ASTL: variants seen among roughly 807,000 people sequenced by gnomAD.
ASTL encodes the protein astacin like metalloendopeptidase.
ASTL carries 27 observed loss-of-function variants against 36.7 expected under a neutral mutation model. That is an observed-to-expected ratio of 0.73 (90% CI 0.54 to 1.01). The LOEUF (loss-of-function observed/expected upper bound fraction) is 1.01. Among genes scored for constraint, ASTL ranks in the 50% least tolerant of loss-of-function variants. The pLI is 0.00. For missense variants in ASTL, 524 were observed against 572.8 expected (o/e 0.91, Z 0.87); for synonymous variants, 222 against 228.1 (o/e 0.97, Z 0.24).
intron 4 of ASTL, 45 bp from the exon 5 acceptor site, chr2:96,133,587 T>A: frequency 7.2e-7 from 1 of 1,391,420 alleles, no homozygotes; most frequent in Non-Finnish European, 1.0e-6. Flanking sequence ...CTGGTGGTCT[T>A]TGAGCTCTAC....
At chr2:96,133,386 G>A (rs1682226085) in intron 5 of ASTL, 39 bp downstream of exon 5, 2 of 1,343,038 alleles carry the variant, frequency 1.5e-6, no homozygotes, top group African/African-American at 2.9e-5. Flanking sequence ...GCTGAACGCA[G>A]AAGCGAGCTG....
intron 6 of ASTL, among the ~76,000 whole-genome samples, chr2:96,130,606 C>T (rs563349968): frequency 3.4e-4 from 52 of 152,354 alleles, no homozygotes; most frequent in Non-Finnish European, 6.6e-4. Context: ...ACCTGTTCTT[C>T]CTGTGTCAGG....
Position 96,124,167 on chromosome 2 carries a change from C to A in ASTL, c.979G>T (p.Gly327Cys). Residue 327 changes from glycine to cysteine, a missense_variant, in exon 9 of 9, where the codon GGT becomes TGT. Coordinates refer to ENST00000342380, the MANE Select transcript of ASTL (RefSeq NM_001002036.4). This position sits in a 1 kb window ranked among gnomAD's most constrained non-coding sequence, Gnocchi z 4.1. ...ACGGGCTGGCCTCCCGCACTGGAACCACTGGGGTCGGGGCTCCTGGATTCC... is the reference window on the plus strand; with the variant it reads ...ACGGGCTGGCCTCCCGCACTGGAACAACTGGGGTCGGGGCTCCTGGATTCC... ...SAESRSPDPS[G>C]SSAGGQPVPA... 6.5e-7 allele frequency: 1 copy of A among 1,549,232 alleles called. No individual in the cohort carries two copies. Among genetic ancestry groups the A allele is most frequent in the Non-Finnish European group, 8.7e-7 (1 of 1,148,900 alleles).
At position 96,124,723 on chromosome 2, in the gene ASTL, T is replaced by C. The variant is rs1682031245; in HGVS notation, c.875-452A>G. Among the ~76,000 whole-genome samples, 1 of 152,162 alleles carries C rather than the reference T, an allele frequency of 6.6e-6. No individual in the cohort carries two copies. Among genetic ancestry groups the C allele is most frequent in the South Asian group, 2.1e-4 (1 of 4,822 alleles). On this transcript the variant is annotated intron_variant, in intron 8 of 8. Coordinates refer to ENST00000342380, the MANE Select transcript of ASTL (RefSeq NM_001002036.4). The surrounding 1 kb of genome is among the most constrained non-coding windows in gnomAD (Gnocchi z 4.1). ...CAGGAGGTAGGTTGGGGCTTCCTTG[T>C]TCTTCACTGTCATGCCAGACTACAA... is the stretch of plus-strand genomic sequence containing the variant.
chr2:96,130,464 C>T (rs568017770), intron 6 of ASTL, among the ~76,000 whole-genome samples: 2 of 152,358 alleles, frequency 1.3e-5, no homozygotes, highest in African/African-American at 4.8e-5. Flanking sequence ...ACAGCTGCCA[C>T]GGGTCCCACA....
chr2:96,132,448 G>T lies in ASTL; in HGVS notation c.637+92C>A. 2 of 1,192,728 alleles carry T rather than the reference G, an allele frequency of 1.7e-6. No homozygotes were observed. Among genetic ancestry groups the T allele is most frequent in the Non-Finnish European group, 2.3e-6 (2 of 856,602 alleles). 73.9% of individuals were successfully genotyped at this position (1,192,728 alleles called of 1,614,324 possible). A position where few individuals can be genotyped will look rare whatever the true frequency, so the allele number is the denominator to read the frequency against. ...AAGCAGGCAGGTGATGGGGAGGATG[G>T]ATAGCCTCACCCATGGGGACCAGGC... On this transcript the variant is annotated intron_variant, in intron 6 of 8. Coordinates refer to ENST00000342380, the MANE Select transcript of ASTL (RefSeq NM_001002036.4). The surrounding 1 kb of genome is among the most constrained non-coding windows in gnomAD (Gnocchi z 5.4).
chr2:96,126,244 G>A (rs1405360300), intron 8 of ASTL, among the ~76,000 whole-genome samples: 1 of 152,182 alleles, frequency 6.6e-6, no homozygotes, highest in Non-Finnish European at 1.5e-5. Flanking sequence ...CATAGGAAGT[G>A]ATGAAATATT....
rs75557362 is a variant in ASTL, at chr2:96,125,509, C to G, written c.875-1238G>C. Among the ~76,000 whole-genome samples, 262 of 152,278 alleles carry G rather than the reference C, an allele frequency of 1.7e-3. 4 individuals carry two copies. The East Asian group carries it at 0.041, about 24-fold the overall frequency. The stretch of plus-strand genomic sequence containing the variant: ...TGGGTGTCCTTTCTCCCCGCTATAT[C>G]CACCCCTCTCCTCCAGCAGGTCATG... On this transcript the variant is annotated intron_variant, in intron 8 of 8. Transcript: ENST00000342380.
At position 96,124,681 on chromosome 2, in the gene ASTL, T is replaced by G. The variant is rs1359037404; in HGVS notation, c.875-410A>C. Among the ~76,000 whole-genome samples, 1 of 152,154 alleles carries G rather than the reference T, an allele frequency of 6.6e-6. No individual in the cohort carries two copies. The highest frequency in any genetic ancestry group is 1.5e-5 in the Non-Finnish European group (1 of 68,010). ...TGTTCCTGCACTTAATGGCCACATCTAAACCCTGCACCGTGCCAGGAGGTA... is the reference window on the plus strand; with the variant it reads ...TGTTCCTGCACTTAATGGCCACATCGAAACCCTGCACCGTGCCAGGAGGTA... On this transcript the variant is annotated intron_variant, in intron 8 of 8. Transcript: ENST00000342380. This position sits in a 1 kb window ranked among gnomAD's most constrained non-coding sequence, Gnocchi z 4.1.
At position 96,129,821 on chromosome 2, in the gene ASTL, C is replaced by T; in HGVS notation, c.874+3G>A. ...CAAGTCACCTTCCTGCCATGCCACT[C>T]ACCTCTCCCACGGGGCCTGGGGCCA... On this transcript the variant is annotated splice_donor_region_variant and intron_variant, in intron 8 of 8. Coordinates refer to ENST00000342380, the MANE Select transcript of ASTL (RefSeq NM_001002036.4). 1.3e-6 allele frequency: 2 copies of T among 1,534,588 alleles called. No individual in the cohort carries two copies. The highest frequency in any genetic ancestry group is 1.8e-6 in the Non-Finnish European group (2 of 1,138,846).
At position 96,138,488 on chromosome 2, in the gene ASTL, C is replaced by A; in HGVS notation, c.-52G>T. On this transcript the variant is annotated 5_prime_UTR_variant, in exon 1 of 9. Transcript: ENST00000342380. ...AACAAGACCAAGCCCCAGCAAGACA[C>A]AGTAACCTAATTGCAGAACCGGCAC... The A allele has an allele frequency of 6.6e-7, 1 of 1,522,302 alleles. No homozygotes were observed. The highest frequency in any genetic ancestry group is 9.0e-7 in the Non-Finnish European group (1 of 1,107,226). The allele number at this position is 1,522,302 out of a possible 1,614,324, so 94.3% of individuals were successfully genotyped here.
chr2:96,134,972 C>T (rs1682265644), intron 3 of ASTL, among the ~76,000 whole-genome samples: 1 of 152,242 alleles, frequency 6.6e-6, no homozygotes, highest in African/African-American at 2.4e-5. Flanking sequence ...TAGGTCGCCA[C>T]TGCCACCAGG....
chr2:96,135,312 G>A (rs750696859), intron 3 of ASTL, 39 bp downstream of exon 3: 11 of 1,595,642 alleles, frequency 6.9e-6, no homozygotes, highest in Admixed American at 3.3e-5. Context: ...GCCAACTGTG[G>A]GCTTATCCGC....
chr2:96,130,119 G>T lies in ASTL; in HGVS notation c.664C>A (p.Gln222Lys), dbSNP rs373134495. Residue 222 changes from glutamine (Q) to lysine (K), a missense_variant, in exon 7 of 9, where the codon CAG (glutamine) becomes AAG (lysine). Transcript: ENST00000342380. ...PGFEINFIKS[Q>K]SSNMLTPYDY... ...TAGGGCGTCAGCATGTTGCTGCTCT[G>T]AGACTTGATGAAGTTGATTTCAAAG... 3 of 1,613,700 alleles carry T rather than the reference G, an allele frequency of 1.9e-6. No individual in the cohort carries two copies. The highest frequency in any genetic ancestry group is 2.5e-6 in the Non-Finnish European group (3 of 1,179,582).
Position 96,123,724 on chromosome 2 carries a change from C to T in ASTL, c.*126G>A, listed in dbSNP as rs1682004000. On this transcript the variant is annotated 3_prime_UTR_variant, in exon 9 of 9. Transcript: ENST00000342380. The stretch of plus-strand genomic sequence containing the variant: ...AGAGAGACAGGGGAAGAGTCCTGGC[C>T]CTCTGAGATGGGGTGGTAGGTTGGG... The T allele has an allele frequency of 1.1e-5, 8 of 723,328 alleles. No individual in the cohort carries two copies. The highest frequency in any genetic ancestry group is 3.5e-5 in the African/African-American group (2 of 56,694). 44.8% of individuals were successfully genotyped at this position (723,328 alleles called of 1,614,324 possible). A position where few individuals can be genotyped will look rare whatever the true frequency, so the allele number is the denominator to read the frequency against.
At chr2:96,128,852 C>T (rs887286528) in intron 8 of ASTL, among the ~76,000 whole-genome samples, 2 of 152,158 alleles carry the variant, frequency 1.3e-5, no homozygotes, top group African/African-American at 4.8e-5. Context: ...CCAGCCTGGC[C>T]AACATGGTGA....
At chr2:96,133,901 G>A (rs933093994) in intron 4 of ASTL, 64 bp downstream of exon 4, 2 of 1,106,918 alleles carry the variant, frequency 1.8e-6, no homozygotes. Flanking sequence ...AGGGAAGAGA[G>A]GAACACCTGC....
At position 96,123,842 on chromosome 2, in the gene ASTL, C is replaced by A; in HGVS notation, c.*8G>T. On this transcript the variant is annotated 3_prime_UTR_variant, in exon 9 of 9. Coordinates refer to ENST00000342380, the MANE Select transcript of ASTL (RefSeq NM_001002036.4). ...TGCCCTCCCTACTTGGGGACAGAAG[C>A]CACAGGCTTAATCTTCGGACATCCC... is the stretch of plus-strand genomic sequence containing the variant. 6.2e-7 allele frequency: 1 copy of A among 1,609,486 alleles called. No homozygotes were observed.
chr2:96,124,008 C>G lies in ASTL; in HGVS notation c.1138G>C (p.Gly380Arg). The change falls in exon 9 of 9, where the codon GGT (glycine) becomes CGT (arginine). Residue 380 changes from glycine (G) to arginine (R), a missense_variant. Physicochemically the swap from Gly to Arg is moderately radical, Grantham distance 125. Coordinates refer to ENST00000342380, the MANE Select transcript of ASTL (RefSeq NM_001002036.4). The surrounding 1 kb of genome is among the most constrained non-coding windows in gnomAD (Gnocchi z 4.1). ...AGCCAGGACTGCTCCTGAGCAACAC[C>G]GGGGGCACCTGCTCCAGGCCTTGAT... ...PRSRPGAGAPGVAQEQSWLAG... is the reference protein window; with the variant it reads ...PRSRPGAGAPRVAQEQSWLAG... 3 of 1,614,006 alleles carry G rather than the reference C, an allele frequency of 1.9e-6. No homozygotes were observed. Among genetic ancestry groups the G allele is most frequent in the African/African-American group, 1.3e-5 (1 of 75,044 alleles).
Sources: gnomAD v4.1 joint callset for allele counts (sites outside exome capture counted in the v4.1 genomes callset) on GRCh38, gnomAD v4.1.1 for gene constraint, Gnocchi (gnomAD v3.1) non-coding constraint, MANE v1.5 for transcripts, NCBI Gene and HGNC (gene_info 2026-07-23, HGNC 2026-07-21) for gene names.